The following EPN2 variants were observed in gnomAD, a reference collection of about 807,000 sequenced individuals.
The protein encoded by EPN2 is epsin-2.
In EPN2, 34 loss-of-function variants were observed where a neutral mutation model predicts 61.7. The ratio of observed to expected loss-of-function variants is 0.55; its 90% CI spans 0.42 to 0.73. The LOEUF is 0.73. EPN2 is among the 30% of genes least tolerant of loss of function. EPN2 has a pLI of 0.00. For missense variants in EPN2, 714 were observed against 839.2 expected (o/e 0.85, Z 1.84); for synonymous variants, 349 against 353.6 (o/e 0.99, Z 0.15).
At chr17:19,311,189 C>T (rs1019845262) in intron 5 of EPN2, among the ~76,000 whole-genome samples, 3 of 152,180 alleles carry the variant, frequency 2.0e-5, no homozygotes, top group African/African-American at 7.2e-5. Flanking sequence ...TCAGTTGTGG[C>T]CTCTCTGTCC....
rs1348946609 is a variant in EPN2 at position 19,331,921 on chromosome 17, C to T, written c.1480C>T (p.Pro494Ser). ...CAGCCCTGACCCCTTTGAGTCTCAA[C>T]CCCTGACTGTCGCCTCAAGCAAGCC... ...TTSPDPFESQ[P>S]LTVASSKPSS... The change falls in exon 10 of 11, where the codon CCC becomes TCC. Residue 494 changes from proline (P) to serine (S), a missense_variant. This residue lies in a region of EPN2 where 410 missense variants were observed against 421.8 expected (regional missense o/e 0.97). Coordinates refer to ENST00000314728, the MANE Select transcript of EPN2 (RefSeq NM_014964.5). 5 of 1,614,054 alleles carry T rather than the reference C, an allele frequency of 3.1e-6. No homozygotes were observed. The highest frequency in any genetic ancestry group is 3.4e-6 in the Non-Finnish European group (4 of 1,180,034).
At chr17:19,243,666 T>G (rs1457369678) in intron 1 of EPN2, among the ~76,000 whole-genome samples, 1 of 152,100 alleles carries the variant, frequency 6.6e-6, no homozygotes, top group African/African-American at 2.4e-5. Context: ...CTGCTGGGAT[T>G]ACAGGCATGA....
chr17:19,268,391 T>C (rs1303354548), intron 1 of EPN2, among the ~76,000 whole-genome samples: 1 of 152,084 alleles, frequency 6.6e-6, no homozygotes, highest in Non-Finnish European at 1.5e-5. Flanking sequence ...AGGGTCTTGC[T>C]CTGTCGTCCA....
chr17:19,240,306 C>T (rs926195116), intron 1 of EPN2, among the ~76,000 whole-genome samples: 12 of 151,762 alleles, frequency 7.9e-5, no homozygotes, highest in African/African-American at 2.4e-5. Flanking sequence ...AGTGCAGTGG[C>T]GCAATCTTGG....
At chr17:19,274,649 G>C (rs2045288565) in intron 1 of EPN2, among the ~76,000 whole-genome samples, 1 of 152,066 alleles carries the variant, frequency 6.6e-6, no homozygotes, top group South Asian at 2.1e-4. Flanking sequence ...CTCAGCACAC[G>C]ATCAGCCACA....
intron 7 of EPN2, among the ~76,000 whole-genome samples, chr17:19,326,107 G>C (rs1049344570): frequency 5.3e-5 from 8 of 152,152 alleles, no homozygotes; most frequent in Non-Finnish European, 7.4e-5. Context: ...TTGACCAAAA[G>C]ATATTAAAAC....
chr17:19,264,325 T>C (rs1048937019), intron 1 of EPN2, among the ~76,000 whole-genome samples: 8 of 152,194 alleles, frequency 5.3e-5, no homozygotes, highest in African/African-American at 1.9e-4. Context: ...AAAATTCCCC[T>C]CCTGTTGGGA....
chr17:19,320,227 C>G, intron 7 of EPN2, among the ~76,000 whole-genome samples: 1 of 152,228 alleles, frequency 6.6e-6, no homozygotes, highest in East Asian at 1.9e-4. Flanking sequence ...CTGCCTCTTG[C>G]CCTCTTGCCA....
chr17:19,318,275 C>T (rs570989346), intron 7 of EPN2, among the ~76,000 whole-genome samples: 1 of 152,238 alleles, frequency 6.6e-6, no homozygotes, highest in East Asian at 1.9e-4. Context: ...CTTGGCTGGA[C>T]ATGGTGGCTG....
At chr17:19,282,438 C>T (rs772068965) in intron 2 of EPN2, 7 of 152,132 alleles carry the variant, frequency 4.6e-5, no homozygotes, top group Non-Finnish European at 8.8e-5. Flanking sequence ...AAATTAGTCT[C>T]TTTCTTGTCC....
At chr17:19,301,270 A>AT in intron 4 of EPN2, among the ~76,000 whole-genome samples, 1 of 152,142 alleles carries the variant, frequency 6.6e-6, no homozygotes, top group Non-Finnish European at 1.5e-5. Flanking sequence ...TTGCTCCAGT[A>AT]TGACCTCATC....
At chr17:19,260,897 C>CT (rs1381565339) in intron 1 of EPN2, among the ~76,000 whole-genome samples, 3 of 152,024 alleles carry the variant, frequency 2.0e-5, no homozygotes, top group Admixed American at 6.6e-5. Context: ...TCATCTTGTG[C>CT]TTTTTTTAAC....
chr17:19,253,822 TATTGCAATAAACAC>T (rs2045043348), intron 1 of EPN2, among the ~76,000 whole-genome samples: 2 of 152,328 alleles, frequency 1.3e-5, no homozygotes, highest in South Asian at 4.1e-4. Context: ...TGACTCTATT[TATTGCAATAAACAC>T]ATTTTGAAAG....
intron 7 of EPN2, 25 bp downstream of exon 7, chr17:19,313,304 C>T (rs746678462): frequency 1.1e-5 from 16 of 1,497,688 alleles, no homozygotes; most frequent in East Asian, 7.4e-5. Flanking sequence ...ACTGGTCTCC[C>T]GTGCTTGCCT....
intron 1 of EPN2, among the ~76,000 whole-genome samples, chr17:19,238,072 C>CTGTA (rs1474792310): frequency 2.6e-5 from 4 of 152,232 alleles, no homozygotes; most frequent in Non-Finnish European, 4.4e-5. Flanking sequence ...TTCCTGGGGG[C>CTGTA]TGTAGCAGGG....
chr17:19,283,469 A>G lies in EPN2; in HGVS notation c.350A>G (p.Lys117Arg), dbSNP rs1281796825. Residue 117 changes from lysine (K) to arginine (R), a missense_variant, in exon 3 of 11, where the codon AAG becomes AGG. Transcript: ENST00000314728. The surrounding 1 kb of genome is among the most constrained non-coding windows in gnomAD (Gnocchi z 7.0). ...TTCCAGTACATTGACCGAGATGGCA[A>G]GGACCAGGGCATCAATGTGCGTGAG... ...KDFQYIDRDG[K>R]DQGINVREKS... is the part of the protein sequence containing the mutation. 3 of 1,614,100 alleles carry G rather than the reference A, an allele frequency of 1.9e-6. No individual in the cohort carries two copies. The highest frequency in any genetic ancestry group is 2.5e-6 in the Non-Finnish European group (3 of 1,180,054).
chr17:19,321,524 G>A (rs1906635288), intron 7 of EPN2, among the ~76,000 whole-genome samples: 2 of 152,198 alleles, frequency 1.3e-5, no homozygotes, highest in African/African-American at 4.8e-5. Context: ...CTGGAAGTGG[G>A]TGAGGGGAGA....
rs976376968 is a variant in EPN2 at position 19,336,483 on chromosome 17, G to A, written c.*2229G>A. 1.3e-5 allele frequency: 2 copies of A among 152,586 alleles called. No homozygotes were observed. The highest frequency in any genetic ancestry group is 4.8e-5 in the African/African-American group (2 of 41,422). 9.5% of individuals were successfully genotyped at this position (152,586 alleles called of 1,614,324 possible). On this transcript the variant is annotated 3_prime_UTR_variant, in exon 11 of 11. Transcript: ENST00000314728. ...AAGACAGCCCCCTGCCCCATCTTCT[G>A]GCACAGGCCATCCCGAGTGCATGTC...
At chr17:19,261,215 T>G (rs1379608181) in intron 1 of EPN2, among the ~76,000 whole-genome samples, 3 of 152,216 alleles carry the variant, frequency 2.0e-5, no homozygotes, top group African/African-American at 7.2e-5. Flanking sequence ...GCACTCCCAC[T>G]GGCGGTGTTG....
Sources: allele counts gnomAD v4.1 joint callset (sites outside exome capture counted in the v4.1 genomes callset), GRCh38; gene constraint gnomAD v4.1.1; regional missense constraint gnomAD v4.1.1; non-coding constraint Gnocchi (gnomAD v3.1); transcripts MANE v1.5; gene names NCBI Gene and HGNC (gene_info 2026-07-23, HGNC 2026-07-21).